The following IKZF5 variants were observed in gnomAD, a reference collection of about 807,000 sequenced individuals.
The protein encoded by IKZF5 is zinc finger protein Pegasus.
A neutral mutation model predicts 30.7 loss-of-function variants in IKZF5; 4 were observed. The observed-to-expected ratio is 0.13, with a 90% confidence interval of 0.06 to 0.30. The LOEUF (loss-of-function observed/expected upper bound fraction) is 0.30, where lower values mean the gene tolerates loss of function less well. Among genes scored for constraint, IKZF5 ranks in the 10% least tolerant of loss-of-function variants. IKZF5 has a pLI of 1.00. For synonymous variants in IKZF5, 148 were observed against 179.6 expected (o/e 0.82, Z 1.41); for missense variants, 348 against 525.5 (o/e 0.66, Z 3.30).
chr10:122,996,013 T>C lies in IKZF5; in HGVS notation c.297A>G (p.Glu99=), dbSNP rs1186907514. The C allele has an allele frequency of 6.2e-7, 1 of 1,613,804 alleles. No homozygotes were observed. Among genetic ancestry groups the C allele is most frequent in the Non-Finnish European group, 8.5e-7 (1 of 1,180,030 alleles). ...CATTACCTGTGTGGATTCTGATGTGTTCAATAAGCCGGGCTGTTCCTTTGC... is the reference window on the plus strand; with the variant it reads ...CATTACCTGTGTGGATTCTGATGTGCTCAATAAGCCGGGCTGTTCCTTTGC... The part of the protein sequence containing the change: ...YASKGTARLI[E]HIRIHTGEKP... The change falls in exon 4 of 5, where the codon GAA becomes GAG. Residue 99 remains glutamate, a synonymous_variant. Coordinates refer to ENST00000368886, the MANE Select transcript of IKZF5 (RefSeq NM_001372123.1).
In IKZF5 at chr10:122,992,184, A is replaced by AG. The variant is rs1476192926; in HGVS notation, c.*1595dup. The AG allele has an allele frequency of 2.0e-5, 3 of 152,256 alleles. No homozygotes were observed. Among genetic ancestry groups the AG allele is most frequent in the Non-Finnish European group, 4.4e-5 (3 of 68,038 alleles). The allele number at this position is 152,256 out of a possible 1,614,324, so 9.4% of individuals were successfully genotyped here. On this transcript the variant is annotated 3_prime_UTR_variant, in exon 5 of 5. Transcript: ENST00000368886. ...GATGCTGCTCTTTAAACAATGCAGTAGCTTAGACTGGATGCTAAACTGCAA... is the reference window on the plus strand; with the variant it reads ...GATGCTGCTCTTTAAACAATGCAGTAGGCTTAGACTGGATGCTAAACTGCAA...
intron 2 of IKZF5, among the ~76,000 whole-genome samples, chr10:122,999,259 T>C (rs1334282935): frequency 6.6e-6 from 1 of 152,230 alleles, no homozygotes; most frequent in Non-Finnish European, 1.5e-5. Context: ...ATATAGCTAC[T>C]GAGGCACTTG....
chr10:123,000,525 T>C (rs991466584), intron 2 of IKZF5, among the ~76,000 whole-genome samples: 1 of 152,268 alleles, frequency 6.6e-6, no homozygotes, highest in South Asian at 2.1e-4. Context: ...AAAGTTTCTA[T>C]GAACATATTA....
Position 122,998,610 on chromosome 10 carries a change from GT to G in IKZF5, c.15del (p.Lys5AsnfsTer8). ...TCTTTCACGAAGTCCAAAGGCTCTG[GT>G]TTTTTTTCACCCATCTTTGCTTTTT... MGEK[K>X]PEPLDFVKDF... On this transcript the variant is annotated frameshift_variant, in exon 3 of 5. Transcript: ENST00000368886. LOFTEE classifies it high-confidence loss of function. The G allele has an allele frequency of 5.0e-6, 8 of 1,610,854 alleles. No homozygotes were observed. The highest frequency in any genetic ancestry group is 5.9e-6 in the Non-Finnish European group (7 of 1,178,618).
chr10:123,007,967 G>A (rs1218636637), intron 1 of IKZF5, among the ~76,000 whole-genome samples: 1 of 152,028 alleles, frequency 6.6e-6, no homozygotes, highest in Non-Finnish European at 1.5e-5. Flanking sequence ...ACATCAAGGG[G>A]ACTCTAAGCA....
At chr10:122,997,002 A>T (rs886689265) in intron 3 of IKZF5, 4 of 152,226 alleles carry the variant, frequency 2.6e-5, no homozygotes, top group African/African-American at 9.6e-5. Context: ...AATTCTAATT[A>T]AGCCCATAAA....
chr10:123,008,766 C>G lies in IKZF5; in HGVS notation c.-270G>C. The G allele has an allele frequency of 1.6e-6, 1 of 607,634 alleles. No individual in the cohort carries two copies. Among genetic ancestry groups the G allele is most frequent in the Non-Finnish European group, 2.9e-6 (1 of 340,228 alleles). 37.6% of individuals were successfully genotyped at this position (607,634 alleles called of 1,614,324 possible). On this transcript the variant is annotated 5_prime_UTR_variant, in exon 1 of 5. Transcript: ENST00000368886. ...TCGCCGCCGCCGCCGTCTTCGTCAC[C>G]GTCACAGTCGCCGCCGCCATCTTTG...
At chr10:122,995,574 G>C (rs1204407189) in intron 4 of IKZF5, among the ~76,000 whole-genome samples, 1 of 152,152 alleles carries the variant, frequency 6.6e-6, no homozygotes, top group East Asian at 1.9e-4. Context: ...TTCTCAGAAG[G>C]GACAGCTAAA....
In IKZF5 at chr10:122,993,929, T is replaced by C. The variant is rs142260324; in HGVS notation, c.1111A>G (p.Met371Val). ...QLLHHCQHCD[M>V]YFADNILYTI... ...TAAAGGATGTTGTCTGCAAAGTACA[T>C]ATCACAGTGCTGGCAGTGGTGCAGA... Residue 371 changes from methionine (M) to valine (V), a missense_variant, in exon 5 of 5, where the codon ATG becomes GTG. Physicochemically the swap from Met to Val is conservative, Grantham distance 21 (BLOSUM62 1). Coordinates refer to ENST00000368886, the MANE Select transcript of IKZF5 (RefSeq NM_001372123.1). 1.2e-6 allele frequency: 2 copies of C among 1,614,140 alleles called. No individual in the cohort carries two copies. The highest frequency in any genetic ancestry group is 2.7e-5 in the African/African-American group (2 of 75,028).
intron 2 of IKZF5, among the ~76,000 whole-genome samples, chr10:123,006,604 G>C (rs1041864278): frequency 6.6e-6 from 1 of 152,098 alleles, no homozygotes; most frequent in South Asian, 2.1e-4. Flanking sequence ...GATATGTTTC[G>C]TTCACCTAGC....
At position 122,994,849 on chromosome 10, in the gene IKZF5, C is replaced by T. The variant is rs1849302971; in HGVS notation, c.317-126G>A. 1.4e-6 allele frequency: 1 copy of T among 718,748 alleles called. No individual in the cohort carries two copies. Among genetic ancestry groups the T allele is most frequent in the Non-Finnish European group, 2.3e-6 (1 of 439,816 alleles). 44.5% of individuals were successfully genotyped at this position (718,748 alleles called of 1,614,324 possible). ...AAATGCTTTCAGAAAGTCATATTTG[C>T]ATAGCATATGAGATTGTTAAAATTT... On this transcript the variant is annotated intron_variant, in intron 4 of 4. Coordinates refer to ENST00000368886, the MANE Select transcript of IKZF5 (RefSeq NM_001372123.1). The surrounding 1 kb of genome is among the most constrained non-coding windows in gnomAD (Gnocchi z 5.6).
chr10:122,994,578 G>C lies in IKZF5; in HGVS notation c.462C>G (p.Ser154=). The C allele has an allele frequency of 1.2e-6, 2 of 1,614,076 alleles. No homozygotes were observed. The highest frequency in any genetic ancestry group is 1.7e-5 in the Admixed American group (1 of 60,018). ...SFRCSDRSNL[S]HHRRRKHKMV... The stretch of plus-strand genomic sequence containing the variant: ...TTTTATGCTTGCGCCTTCGATGATG[G>C]GACAAGTTACTTCGATCACTGCAGC... The change falls in exon 5 of 5, where the codon TCC becomes TCG. Residue 154 remains serine, a synonymous_variant. Transcript: ENST00000368886. The surrounding 1 kb of genome is among the most constrained non-coding windows in gnomAD (Gnocchi z 5.6).
Position 123,007,017 on chromosome 10 carries a change from C to A in IKZF5, c.-47+9G>T, listed in dbSNP as rs1373948871. ...AAAGAAATCCAGAAGAGAAATTATACAATCTAACCTTTTCACCCCAAATCT... is the reference window on the plus strand; with the variant it reads ...AAAGAAATCCAGAAGAGAAATTATAAAATCTAACCTTTTCACCCCAAATCT... On this transcript the variant is annotated intron_variant, in intron 2 of 4. Transcript: ENST00000368886. 1 of 152,164 alleles carries A rather than the reference C, an allele frequency of 6.6e-6. No individual in the cohort carries two copies. The highest frequency in any genetic ancestry group is 2.4e-5 in the African/African-American group (1 of 41,430). 9.4% of individuals were successfully genotyped at this position (152,164 alleles called of 1,614,324 possible).
chr10:122,994,977 G>A lies in IKZF5; in HGVS notation c.317-254C>T. On this transcript the variant is annotated intron_variant, in intron 4 of 4. Transcript: ENST00000368886. The surrounding 1 kb of genome is among the most constrained non-coding windows in gnomAD (Gnocchi z 5.6). ...GTCAATACAGTATAAAAACTGTTAT[G>A]GCTTCGAATGCATTTAGAGAGAAGA... The A allele has an allele frequency of 5.0e-6, 2 of 400,092 alleles. No homozygotes were observed. Among genetic ancestry groups the A allele is most frequent in the Non-Finnish European group, 8.9e-6 (2 of 224,950 alleles). The allele number at this position is 400,092 out of a possible 1,614,324, so 24.8% of individuals were successfully genotyped here.
At chr10:122,995,552 A>C (rs184549238) in intron 4 of IKZF5, among the ~76,000 whole-genome samples, 2 of 152,238 alleles carry the variant, frequency 1.3e-5, no homozygotes, top group Admixed American at 1.3e-4. Flanking sequence ...GGGCAGATGT[A>C]GTTGGGAAAG....
At chr10:123,005,244 G>A (rs1166739866) in intron 2 of IKZF5, among the ~76,000 whole-genome samples, 1 of 152,156 alleles carries the variant, frequency 6.6e-6, no homozygotes, top group African/African-American at 2.4e-5. Flanking sequence ...TCAGTCTCAA[G>A]TCTCAAAGTT....
At chr10:122,995,948 T>A (rs1202285258) in intron 4 of IKZF5, 46 bp downstream of exon 4, 1 of 1,587,954 alleles carries the variant, frequency 6.3e-7, no homozygotes, top group South Asian at 1.1e-5. Context: ...CCTTGGCCCC[T>A]CTCCTGCCCT....
At chr10:123,001,506 GTGTA>G (rs1849583826) in intron 2 of IKZF5, among the ~76,000 whole-genome samples, 1 of 151,954 alleles carries the variant, frequency 6.6e-6, no homozygotes, top group South Asian at 2.1e-4. Flanking sequence ...CTTGAGTTTT[GTGTA>G]TGGTGTGAGA....
At chr10:123,006,893 A>C (rs1028156705) in intron 2 of IKZF5, 133 bp downstream of exon 2, 2 of 152,248 alleles carry the variant, frequency 1.3e-5, no homozygotes, top group Non-Finnish European at 2.9e-5. Flanking sequence ...TCCTGATTTC[A>C]GAACTGTCAA....
Sources: gnomAD v4.1 joint callset for allele counts (sites outside exome capture counted in the v4.1 genomes callset) on GRCh38, gnomAD v4.1.1 for gene constraint, Gnocchi (gnomAD v3.1) non-coding constraint, MANE v1.5 for transcripts, NCBI Gene and HGNC (gene_info 2026-07-23, HGNC 2026-07-21) for gene names.